CORIN: variants seen among roughly 807,000 people sequenced by gnomAD.
CORIN encodes the protein atrial natriuretic peptide-converting enzyme.
A neutral mutation model predicts 125.3 loss-of-function variants in CORIN; 117 were observed. The ratio of observed to expected loss-of-function variants is 0.93; its 90% confidence interval spans 0.80 to 1.09. The LOEUF is 1.09. Ranked by LOEUF, CORIN falls within the 50% of genes least tolerant of loss-of-function variation. CORIN has a pLI of 0.00. For synonymous variants in CORIN, 450 were observed against 466.4 expected (o/e 0.96, Z 0.45); for missense variants, 1,253 against 1,306.7 (o/e 0.96, Z 0.63).
chr4:47,598,188 G>A (rs1463618734), intron 21 of CORIN, among the ~76,000 whole-genome samples: 1 of 152,150 alleles, frequency 6.6e-6, no homozygotes, highest in Admixed American at 6.5e-5. Flanking sequence ...TCAGTATTCA[G>A]GTTTATAGAT....
chr4:47,797,917 T>C (rs972543268), intron 2 of CORIN, among the ~76,000 whole-genome samples: 2 of 152,126 alleles, frequency 1.3e-5, no homozygotes, highest in Non-Finnish European at 2.9e-5. Flanking sequence ...TAGTGCCAAG[T>C]TGCATGCTCT....
intron 16 of CORIN, among the ~76,000 whole-genome samples, chr4:47,636,404 T>C: frequency 6.6e-6 from 1 of 152,186 alleles, no homozygotes; most frequent in Non-Finnish European, 1.5e-5. Context: ...GTATCATCAA[T>C]TAAATAAATG....
At chr4:47,810,924 AT>A (rs906978512) in intron 1 of CORIN, among the ~76,000 whole-genome samples, 76 of 152,120 alleles carry the variant, frequency 5.0e-4, no homozygotes, top group African/African-American at 1.7e-3. Flanking sequence ...CAAATAAACA[AT>A]TTTCATCCCC....
intron 1 of CORIN, among the ~76,000 whole-genome samples, chr4:47,825,566 A>C (rs529368502): frequency 1.8e-4 from 28 of 152,300 alleles, no homozygotes; most frequent in Non-Finnish European, 3.2e-4. Context: ...CGTAAGAGTA[A>C]CACTTGAATC....
chr4:47,668,510 C>A (rs958952852), intron 10 of CORIN, among the ~76,000 whole-genome samples: 3 of 152,202 alleles, frequency 2.0e-5, no homozygotes, highest in African/African-American at 7.2e-5. Context: ...TCAGCACATG[C>A]AGCTCTAACT....
chr4:47,719,967 T>C (rs960633666), intron 5 of CORIN, among the ~76,000 whole-genome samples: 1 of 152,200 alleles, frequency 6.6e-6, no homozygotes, highest in Admixed American at 6.5e-5. Flanking sequence ...TTAAAACGTT[T>C]TTATTTGAAT....
intron 1 of CORIN, among the ~76,000 whole-genome samples, chr4:47,826,619 C>T (rs145561511): frequency 1.3e-5 from 2 of 152,312 alleles, no homozygotes; most frequent in Non-Finnish European, 2.9e-5. Flanking sequence ...GACCTTTCTG[C>T]CTCTCTAAGG....
chr4:47,795,347 C>A (rs1333035226), intron 2 of CORIN, among the ~76,000 whole-genome samples: 1 of 152,032 alleles, frequency 6.6e-6, no homozygotes, highest in Non-Finnish European at 1.5e-5. Flanking sequence ...CTAGGGACTG[C>A]ATTGAATCTA....
intron 3 of CORIN, among the ~76,000 whole-genome samples, chr4:47,769,215 C>G (rs1729904791): frequency 1.3e-5 from 2 of 151,776 alleles, no homozygotes; most frequent in South Asian, 4.2e-4. Flanking sequence ...AAAAATAAAC[C>G]AGTTCTGCTT....
rs553038880 is a variant in CORIN at position 47,731,247 on chromosome 4, G to T, written c.799+13155C>A. On this transcript the variant is annotated intron_variant, in intron 5 of 21. Transcript: ENST00000273857. ...TCTGTTTCGTTTGACATGCCTTTTA[G>T]AAACTCAAATAGAAACAAATAGAAG... Among the ~76,000 whole-genome samples, 12 of 152,298 alleles carry T rather than the reference G, an allele frequency of 7.9e-5. No homozygotes were observed. The East Asian group carries it at 1.7e-3, about 22-fold the overall frequency.
chr4:47,665,649 C>T (rs892206450), intron 10 of CORIN, among the ~76,000 whole-genome samples: 4 of 152,190 alleles, frequency 2.6e-5, no homozygotes, highest in African/African-American at 9.6e-5. Flanking sequence ...TCTTCACTGT[C>T]ACTAAACTAA....
intron 6 of CORIN, among the ~76,000 whole-genome samples, chr4:47,690,456 A>G (rs1725716425): frequency 6.6e-6 from 1 of 152,222 alleles, no homozygotes; most frequent in African/African-American, 2.4e-5. Context: ...ACAAATAATA[A>G]GTCCCTTTTC....
At chr4:47,750,399 C>T (rs1198709249) in intron 4 of CORIN, among the ~76,000 whole-genome samples, 2 of 152,086 alleles carry the variant, frequency 1.3e-5, no homozygotes, top group East Asian at 3.8e-4. Flanking sequence ...CTTTCTTTTT[C>T]TTCATTTGTA....
chr4:47,773,633 A>C (rs1730160264), intron 3 of CORIN, among the ~76,000 whole-genome samples: 1 of 152,330 alleles, frequency 6.6e-6, no homozygotes, highest in Admixed American at 6.5e-5. Context: ...GGAAGATTTT[A>C]TGGAGAATAA....
chr4:47,749,536 A>G (rs970709054), intron 4 of CORIN, among the ~76,000 whole-genome samples: 1 of 152,180 alleles, frequency 6.6e-6, no homozygotes, highest in African/African-American at 2.4e-5. Flanking sequence ...AACCCTGCCA[A>G]CATCTTTAAT....
chr4:47,836,814 C>T (rs753863863), intron 1 of CORIN, among the ~76,000 whole-genome samples: 2 of 152,206 alleles, frequency 1.3e-5, no homozygotes, highest in South Asian at 2.1e-4. Context: ...GCGCCTGCCA[C>T]GGGAGCTCAG....
intron 5 of CORIN, among the ~76,000 whole-genome samples, chr4:47,736,899 G>C (rs1272597314): frequency 2.0e-5 from 3 of 152,228 alleles, no homozygotes; most frequent in Non-Finnish European, 4.4e-5. Flanking sequence ...CAGATACTAA[G>C]GGGCCAGGTG....
chr4:47,677,950 TCTC>T lies in CORIN; in HGVS notation c.1234_1236del (p.Glu412del), dbSNP rs1255708957. On this transcript the variant is annotated inframe_deletion, in exon 9 of 22. Coordinates refer to ENST00000273857, the MANE Select transcript of CORIN (RefSeq NM_006587.4). ...GGGACACACTTACTGACGCTGCAGT[TCTC>T]CTCATCACTCCCATCCTTGCAGTCC... is the stretch of plus-strand genomic sequence containing the variant. 3 of 1,612,094 alleles carry T rather than the reference TCTC, an allele frequency of 1.9e-6. No individual in the cohort carries two copies. The highest frequency in any genetic ancestry group is 2.2e-5 in the South Asian group (2 of 91,022).
intron 16 of CORIN, among the ~76,000 whole-genome samples, chr4:47,630,413 C>T (rs1577757665): frequency 6.6e-6 from 1 of 152,076 alleles, no homozygotes; most frequent in South Asian, 2.1e-4. Context: ...TAATTGAAAC[C>T]GTTTTGTATT....
Sources: allele counts gnomAD v4.1 joint callset (sites outside exome capture counted in the v4.1 genomes callset), GRCh38; gene constraint gnomAD v4.1.1; transcripts MANE v1.5; gene names NCBI Gene and HGNC (gene_info 2026-07-23, HGNC 2026-07-21).